Variants in FAM185A observed in about 807,000 individuals in gnomAD.
The protein encoded by FAM185A is protein FAM185A.
FAM185A carries 21 observed loss-of-function variants against 45.7 expected under a neutral mutation model. The ratio of observed to expected loss-of-function variants is 0.46; its 90% CI spans 0.33 to 0.66. The LOEUF is 0.66. FAM185A is among the 30% of genes least tolerant of loss of function. FAM185A has a pLI of 0.03. For missense variants in FAM185A, 305 were observed against 485.4 expected (o/e 0.63, Z 3.49); for synonymous variants, 117 against 194.0 (o/e 0.60, Z 3.30).
the FAM185A span, chr7:102,822,349 G>A: frequency 1.2e-6 from 1 of 822,772 alleles, no homozygotes; most frequent in South Asian, 1.4e-5. Context: ...TCTAGAGGCT[G>A]GGAAGTCCAA....
intron 6 of FAM185A, among the ~76,000 whole-genome samples, chr7:102,778,859 C>T (rs149435067): frequency 0.018 from 2,716 of 152,284 alleles, 32 homozygotes; most frequent in Non-Finnish European, 0.027. Flanking sequence ...TAATCGTTCG[C>T]AAAGACATCT....
the FAM185A span, among the ~76,000 whole-genome samples, chr7:102,833,587 C>T: frequency 3.3e-5 from 5 of 150,694 alleles, no homozygotes; most frequent in African/African-American, 7.3e-5. Flanking sequence ...CCACCACGCC[C>T]GGCTAATTCT....
the FAM185A span, chr7:102,827,132 G>A: frequency 4.4e-6 from 2 of 454,912 alleles, no homozygotes; most frequent in Non-Finnish European, 8.8e-6. Flanking sequence ...CAGGCCTCAA[G>A]ATGCCTTGCA....
intron 6 of FAM185A, among the ~76,000 whole-genome samples, chr7:102,780,400 C>T (rs991320169): frequency 6.6e-6 from 1 of 152,202 alleles, no homozygotes; most frequent in South Asian, 2.1e-4. Context: ...TCCTGATTTA[C>T]TCCTTTAGAA....
intron 7 of FAM185A, among the ~76,000 whole-genome samples, chr7:102,788,224 C>A (rs544995932): frequency 6.6e-6 from 1 of 152,296 alleles, no homozygotes; most frequent in Non-Finnish European, 1.5e-5. Context: ...CCACCTCAGC[C>A]TCCCAAAGTG....
chr7:102,806,925 C>T (rs1342797404), intron 7 of FAM185A, among the ~76,000 whole-genome samples: 4 of 151,990 alleles, frequency 2.6e-5, no homozygotes, highest in Admixed American at 2.6e-4. Context: ...GAAAGAGTTC[C>T]GGAGGGGAGC....
chr7:102,788,699 T>C (rs948891241), intron 7 of FAM185A, among the ~76,000 whole-genome samples: 34 of 152,208 alleles, frequency 2.2e-4, no homozygotes, highest in South Asian at 4.1e-4. Context: ...AATGTGTTAT[T>C]AGGCAATTTT....
At chr7:102,787,544 C>T (rs551138084) in intron 7 of FAM185A, 75 bp downstream of exon 7, 223 of 1,310,788 alleles carry the variant, frequency 1.7e-4, no homozygotes, top group Non-Finnish European at 2.1e-4. Flanking sequence ...GTACACTTAA[C>T]GGAAGTTTTA....
At chr7:102,756,053 T>C (rs1793705357) in intron 2 of FAM185A, 1 of 270,506 alleles carries the variant, frequency 3.7e-6, no homozygotes. Flanking sequence ...ATAAGGAGTA[T>C]ATTAAATATA....
the FAM185A span, among the ~76,000 whole-genome samples, chr7:102,821,628 T>G: frequency 6.6e-6 from 1 of 152,228 alleles, no homozygotes; most frequent in Non-Finnish European, 1.5e-5. Flanking sequence ...GCATTTCATA[T>G]GTTACTTTAT....
At chr7:102,818,919 A>G in the FAM185A span, among the ~76,000 whole-genome samples, 1 of 152,026 alleles carries the variant, frequency 6.6e-6, no homozygotes, top group Non-Finnish European at 1.5e-5. Flanking sequence ...CCCAGTATCT[A>G]TTAGTTATTC....
At chr7:102,842,638 C>T in the FAM185A span, among the ~76,000 whole-genome samples, 1 of 152,244 alleles carries the variant, frequency 6.6e-6, no homozygotes. Flanking sequence ...ACCCTTCTTA[C>T]ACTCCAGAGA....
At chr7:102,803,000 T>C (rs1322638697) in intron 7 of FAM185A, among the ~76,000 whole-genome samples, 1 of 152,076 alleles carries the variant, frequency 6.6e-6, no homozygotes, top group Non-Finnish European at 1.5e-5. Context: ...TTAGATACCC[T>C]GAACAGATCA....
the FAM185A span, among the ~76,000 whole-genome samples, chr7:102,845,053 C>T: frequency 1.3e-5 from 2 of 152,110 alleles, no homozygotes; most frequent in African/African-American, 4.8e-5. Flanking sequence ...TGTTCGCCAA[C>T]CTGGAAGTAC....
At chr7:102,842,248 C>T in the FAM185A span, among the ~76,000 whole-genome samples, 1 of 152,156 alleles carries the variant, frequency 6.6e-6, no homozygotes, top group Admixed American at 6.5e-5. Context: ...CTGTTGCGAA[C>T]CATAAACACA....
At chr7:102,784,635 C>T (rs1025578424) in intron 6 of FAM185A, among the ~76,000 whole-genome samples, 5 of 152,116 alleles carry the variant, frequency 3.3e-5, no homozygotes, top group African/African-American at 4.8e-5. Context: ...TTCAACAACG[C>T]TTCATGCTAA....
At chr7:102,812,165 C>T (rs1382591674), downstream of FAM185A, among the ~76,000 whole-genome samples, 1 of 152,142 alleles carries the variant, frequency 6.6e-6, no homozygotes, top group Non-Finnish European at 1.5e-5. Flanking sequence ...GTTGTGTTTT[C>T]TCTTGGACTG....
chr7:102,782,673 C>T (rs182547465), intron 6 of FAM185A, among the ~76,000 whole-genome samples: 241 of 152,294 alleles, frequency 1.6e-3, no homozygotes, highest in African/African-American at 5.4e-3. Flanking sequence ...AAAGGAACAA[C>T]CAGTACCAGC....
At chr7:102,752,929 G>T (rs1020859610) in intron 2 of FAM185A, among the ~76,000 whole-genome samples, 1 of 150,322 alleles carries the variant, frequency 6.7e-6, no homozygotes, top group African/African-American at 2.5e-5. Flanking sequence ...TTCATTTTTA[G>T]ATTTCTAAAC....
Sources: gnomAD v4.1 joint callset for allele counts (sites outside exome capture counted in the v4.1 genomes callset) on GRCh38, gnomAD v4.1.1 for gene constraint, MANE v1.5 for transcripts, NCBI Gene and HGNC (gene_info 2026-07-23, HGNC 2026-07-21) for gene names.